The following BACH2 variants were observed in gnomAD, a reference collection of about 807,000 sequenced individuals.
BACH2 encodes transcription regulator protein BACH2.
A neutral mutation model predicts 61.8 loss-of-function variants in BACH2; 5 were observed. The observed-to-expected ratio is 0.08, with a 90% CI of 0.04 to 0.17. The LOEUF is 0.17. Ranked by LOEUF, BACH2 falls within the 10% of genes least tolerant of loss-of-function variation. The pLI is 1.00. For synonymous variants in BACH2, 446 were observed against 440.1 expected (o/e 1.01, Z -0.17); for missense variants, 824 against 1,091.1 (o/e 0.76, Z 3.45).
chr6:90,129,865 T>TTTG (rs926866834), intron 4 of BACH2, among the ~76,000 whole-genome samples: 112 of 151,876 alleles, frequency 7.4e-4, no homozygotes, highest in African/African-American at 2.6e-3. Context: ...AAGTTTTTTT[T>TTTG]TTGTTGTTGT....
At chr6:90,085,158 G>A (rs1346869513) in intron 5 of BACH2, among the ~76,000 whole-genome samples, 2 of 152,168 alleles carry the variant, frequency 1.3e-5, no homozygotes, top group Non-Finnish European at 2.9e-5. Context: ...ATACCCATAA[G>A]TACAGAGATT....
chr6:89,957,201 T>A (rs1210783543), intron 6 of BACH2, among the ~76,000 whole-genome samples: 1 of 152,236 alleles, frequency 6.6e-6, no homozygotes, highest in Non-Finnish European at 1.5e-5. Context: ...ACTCTCTTAC[T>A]GCACTGCAAC....
intron 5 of BACH2, among the ~76,000 whole-genome samples, chr6:90,076,921 C>T (rs1304672644): frequency 2.0e-5 from 3 of 152,250 alleles, no homozygotes; most frequent in African/African-American, 4.8e-5. Context: ...TCCCGTTTTC[C>T]GGAGGATTCA....
intron 5 of BACH2, among the ~76,000 whole-genome samples, chr6:90,041,540 G>T (rs1232322376): frequency 6.6e-6 from 1 of 151,974 alleles, no homozygotes; most frequent in East Asian, 1.9e-4. Context: ...TCAAAATGGT[G>T]CTAGGCTCTG....
chr6:90,049,377 C>A (rs1260541207), intron 5 of BACH2, among the ~76,000 whole-genome samples: 1 of 152,156 alleles, frequency 6.6e-6, no homozygotes, highest in Non-Finnish European at 1.5e-5. Context: ...ACAGACCTCT[C>A]TGAGGTCATG....
chr6:90,198,307 A>G (rs1768834584), intron 4 of BACH2, among the ~76,000 whole-genome samples: 1 of 151,990 alleles, frequency 6.6e-6, no homozygotes, highest in South Asian at 2.1e-4. Context: ...AAATGCCCCC[A>G]TGATTCCTTG....
chr6:90,295,917 G>T (rs188405224), intron 1 of BACH2, among the ~76,000 whole-genome samples: 5 of 152,230 alleles, frequency 3.3e-5, no homozygotes, highest in Non-Finnish European at 7.4e-5. Flanking sequence ...ACCCGGCGGC[G>T]GCTGACAGCT....
intron 6 of BACH2, among the ~76,000 whole-genome samples, chr6:89,961,605 A>G (rs1774749030): frequency 6.6e-6 from 1 of 152,200 alleles, no homozygotes; most frequent in African/African-American, 2.4e-5. Flanking sequence ...ACCAGAAAAT[A>G]CAAAACATTT....
intron 6 of BACH2, among the ~76,000 whole-genome samples, chr6:90,005,568 C>A (rs1305208919): frequency 6.6e-6 from 1 of 152,120 alleles, no homozygotes; most frequent in Non-Finnish European, 1.5e-5. Flanking sequence ...TACCATTGAG[C>A]CTGCAGGGAC....
At chr6:90,286,583 T>A (rs1772023288) in intron 1 of BACH2, among the ~76,000 whole-genome samples, 1 of 152,314 alleles carries the variant, frequency 6.6e-6, no homozygotes, top group Admixed American at 6.5e-5. Context: ...TCCAAAACCA[T>A]TTAAAAGAAA....
At chr6:90,091,494 C>T (rs1262446088) in intron 4 of BACH2, among the ~76,000 whole-genome samples, 1 of 152,036 alleles carries the variant, frequency 6.6e-6, no homozygotes. Context: ...GTCTTACAGC[C>T]CCAGGTTCTT....
At chr6:89,960,234 C>T (rs1223254018) in intron 6 of BACH2, among the ~76,000 whole-genome samples, 2 of 152,204 alleles carry the variant, frequency 1.3e-5, no homozygotes, top group Non-Finnish European at 2.9e-5. Flanking sequence ...ATTTGAAACA[C>T]CTGGCATGGT....
intron 5 of BACH2, among the ~76,000 whole-genome samples, chr6:90,059,948 G>A (rs1408347646): frequency 2.2e-5 from 3 of 135,716 alleles, no homozygotes; most frequent in African/African-American, 8.2e-5. Flanking sequence ...ACACAGGAAG[G>A]GGAACAACAC....
chr6:90,249,643 G>A lies in BACH2; in HGVS notation c.-275+2870C>T, dbSNP rs1400022143. Among the ~76,000 whole-genome samples the A allele has an allele frequency of 2.6e-5, 4 of 152,084 alleles. No individual in the cohort carries two copies. The South Asian group carries it at 6.2e-4, about 24-fold the overall frequency. On this transcript the variant is annotated intron_variant, in intron 3 of 8. Transcript: ENST00000257749. Reference sequence around the variant, plus strand: ...AAAAATTAGCAGGGTGTGGTGGTGCGTGCCTATAGTCTCAACTACTCGAGA... The same window carrying A: ...AAAAATTAGCAGGGTGTGGTGGTGCATGCCTATAGTCTCAACTACTCGAGA...
chr6:90,195,289 A>G (rs535790129), intron 4 of BACH2, among the ~76,000 whole-genome samples: 4 of 152,176 alleles, frequency 2.6e-5, no homozygotes, highest in Non-Finnish European at 4.4e-5. Context: ...CGTTTCTGAC[A>G]TTACACCAAG....
chr6:90,159,010 T>C (rs1031418624), intron 4 of BACH2, among the ~76,000 whole-genome samples: 2 of 152,240 alleles, frequency 1.3e-5, no homozygotes, highest in Non-Finnish European at 2.9e-5. Context: ...AAATACTTAA[T>C]TTCCATGGTG....
chr6:90,140,978 T>C (rs185719075), intron 4 of BACH2, among the ~76,000 whole-genome samples: 357 of 152,266 alleles, frequency 2.3e-3, no homozygotes, highest in African/African-American at 8.3e-3. Context: ...TTACTTATCA[T>C]AGTAAGGAAA....
At chr6:90,045,486 G>GT (rs775739669) in intron 5 of BACH2, among the ~76,000 whole-genome samples, 1 of 152,330 alleles carries the variant, frequency 6.6e-6, no homozygotes, top group East Asian at 1.9e-4. Context: ...TACAACATCT[G>GT]TAACACTGTA....
At chr6:90,235,527 T>C (rs1383800929) in intron 3 of BACH2, among the ~76,000 whole-genome samples, 1 of 152,168 alleles carries the variant, frequency 6.6e-6, no homozygotes, top group Non-Finnish European at 1.5e-5. Context: ...AGAAATGCCC[T>C]TCAACTAAAA....
Sources: gnomAD v4.1 joint callset for allele counts (sites outside exome capture counted in the v4.1 genomes callset) on GRCh38, gnomAD v4.1.1 for gene constraint, MANE v1.5 for transcripts, NCBI Gene and HGNC (gene_info 2026-07-23, HGNC 2026-07-21) for gene names.